Variants in NEGR1 observed in about 807,000 individuals in gnomAD.
NEGR1 encodes neuronal growth regulator 1, also known as IgLON family member 4.
Under a neutral mutation model 40.9 loss-of-function variants are expected in NEGR1, and 10 were observed. The ratio of observed to expected loss-of-function variants is 0.24; its 90% CI spans 0.15 to 0.42. The LOEUF is 0.42. Ranked by LOEUF, NEGR1 falls within the 10% of genes least tolerant of loss-of-function variation. The pLI is 1.00. For synonymous variants in NEGR1, 185 were observed against 166.8 expected (o/e 1.11, Z -0.84); for missense variants, 352 against 438.9 (o/e 0.80, Z 1.77).
chr1:71,768,538 G>T (rs1413235452), intron 3 of NEGR1, among the ~76,000 whole-genome samples: 2 of 152,008 alleles, frequency 1.3e-5, no homozygotes, highest in African/African-American at 4.8e-5. Context: ...ACTTCTTTTT[G>T]ATTTTACAGG....
At chr1:71,410,005 C>T (rs1349747786) in intron 6 of NEGR1, among the ~76,000 whole-genome samples, 1 of 152,016 alleles carries the variant, frequency 6.6e-6, no homozygotes. Flanking sequence ...CTTAATTCTG[C>T]CTTCCCCAGT....
intron 1 of NEGR1, among the ~76,000 whole-genome samples, chr1:72,079,338 C>T (rs1647888694): frequency 6.6e-6 from 1 of 151,780 alleles, no homozygotes; most frequent in Non-Finnish European, 1.5e-5. Context: ...CAGAAAATCT[C>T]ACCTAATTAG....
rs1652432430 is a variant in NEGR1 at position 72,182,794 on chromosome 1, AT to A, written c.176+99524del. Among the ~76,000 whole-genome samples, 5 of 148,602 alleles carry A rather than the reference AT, an allele frequency of 3.4e-5. No homozygotes were observed. The South Asian group carries it at 1.1e-3, about 32-fold the overall frequency. On this transcript the variant is annotated intron_variant, in intron 1 of 6. Transcript: ENST00000357731. Reference sequence around the variant, plus strand: ...TGTGCGTGTGTATATATATATATATATATATGTTTGTATGTGTATATGTGTG... The same window carrying A: ...TGTGCGTGTGTATATATATATATATAATATGTTTGTATGTGTATATGTGTG...
At chr1:71,420,500 C>T (rs1050428403) in intron 6 of NEGR1, among the ~76,000 whole-genome samples, 1 of 151,744 alleles carries the variant, frequency 6.6e-6, no homozygotes, top group Non-Finnish European at 1.5e-5. Flanking sequence ...AGAAAAAAAA[C>T]ATTCTACACA....
intron 6 of NEGR1, among the ~76,000 whole-genome samples, chr1:71,433,030 G>T (rs1646479838): frequency 1.3e-5 from 2 of 152,198 alleles, no homozygotes; most frequent in African/African-American, 4.8e-5. Flanking sequence ...GAACCTTTTA[G>T]AATCTGCAAT....
intron 1 of NEGR1, among the ~76,000 whole-genome samples, chr1:72,236,634 A>T (rs183908179): frequency 6.6e-6 from 1 of 151,932 alleles, no homozygotes; most frequent in South Asian, 2.1e-4. Context: ...TCTTATTGTA[A>T]AGGTACTTTC....
intron 2 of NEGR1, among the ~76,000 whole-genome samples, chr1:71,923,166 G>T (rs919283360): frequency 6.6e-6 from 1 of 152,002 alleles, no homozygotes; most frequent in Admixed American, 6.6e-5. Context: ...AGATAGATAC[G>T]ATCCATATTT....
At chr1:71,613,044 GT>G (rs925751296) in intron 4 of NEGR1, among the ~76,000 whole-genome samples, 26 of 152,112 alleles carry the variant, frequency 1.7e-4, no homozygotes, top group African/African-American at 6.0e-4. Flanking sequence ...AAATCTGATT[GT>G]TTTTTTGAAA....
Position 71,836,057 on chromosome 1 carries a change from G to T in NEGR1, c.410-59760C>A, listed in dbSNP as rs145622827. Among the ~76,000 whole-genome samples, 5 of 152,088 alleles carry T rather than the reference G, an allele frequency of 3.3e-5. 1 individual carries two copies. In the South Asian group the frequency reaches 8.3e-4, roughly 25 times the overall value. ...AAGCTATTGCAGGGTGGCTGATCAG[G>T]CTCCCTCATTATCTCATACTGCCTC... On this transcript the variant is annotated intron_variant, in intron 2 of 6. Transcript: ENST00000357731.
chr1:71,987,017 C>G (rs1468275784), intron 1 of NEGR1, among the ~76,000 whole-genome samples: 1 of 152,140 alleles, frequency 6.6e-6, no homozygotes, highest in African/African-American at 2.4e-5. Flanking sequence ...AAATTTGGTA[C>G]TCTAAAAGCA....
chr1:71,711,122 G>C (rs1260292327), intron 3 of NEGR1, among the ~76,000 whole-genome samples: 1 of 151,606 alleles, frequency 6.6e-6, no homozygotes, highest in Non-Finnish European at 1.5e-5. Context: ...CAGATCACGA[G>C]GTCAGGAGAT....
intron 1 of NEGR1, among the ~76,000 whole-genome samples, chr1:72,276,054 G>A (rs72942940): frequency 0.043 from 6,519 of 152,098 alleles, 478 homozygotes; most frequent in African/African-American, 0.15. Flanking sequence ...CTATGATTGT[G>A]CCACTTCGCT....
intron 2 of NEGR1, among the ~76,000 whole-genome samples, chr1:71,867,645 C>T (rs1660157905): frequency 6.6e-6 from 1 of 151,952 alleles, no homozygotes; most frequent in African/African-American, 2.4e-5. Flanking sequence ...AGACTCCTGA[C>T]CAAAATCATA....
chr1:71,783,973 G>T (rs1236136203), intron 2 of NEGR1, among the ~76,000 whole-genome samples: 4 of 152,078 alleles, frequency 2.6e-5, no homozygotes, highest in African/African-American at 9.7e-5. Flanking sequence ...ACAATGCAGA[G>T]TCACTAATCC....
chr1:71,881,354 C>T (rs947237014), intron 2 of NEGR1, among the ~76,000 whole-genome samples: 1 of 151,998 alleles, frequency 6.6e-6, no homozygotes, highest in African/African-American at 2.4e-5. Context: ...TCCTTATGTA[C>T]CAGTAACATC....
intron 6 of NEGR1, chr1:71,421,403 G>C (rs986199642): frequency 6.6e-5 from 10 of 152,002 alleles, no homozygotes; most frequent in African/African-American, 1.9e-4. Context: ...ATTCAAGCTC[G>C]AGGTCAGGGC....
intron 5 of NEGR1, among the ~76,000 whole-genome samples, chr1:71,604,027 A>C (rs2101534947): frequency 6.6e-6 from 1 of 152,328 alleles, no homozygotes; most frequent in Middle Eastern, 3.4e-3. Context: ...CCTCATTAAA[A>C]ATAGAGAGAT....
At chr1:71,673,110 G>T (rs1404266447) in intron 4 of NEGR1, among the ~76,000 whole-genome samples, 1 of 151,902 alleles carries the variant, frequency 6.6e-6, no homozygotes, top group East Asian at 1.9e-4. Context: ...ATTTTGGCGG[G>T]CGCCTGTAGT....
At chr1:72,075,187 A>G (rs2100517058) in intron 1 of NEGR1, among the ~76,000 whole-genome samples, 1 of 152,256 alleles carries the variant, frequency 6.6e-6, no homozygotes, top group Middle Eastern at 3.4e-3. Flanking sequence ...CTTAGTAAAT[A>G]TTTATGTTTA....
Sources: allele counts gnomAD v4.1 joint callset (sites outside exome capture counted in the v4.1 genomes callset), GRCh38; gene constraint gnomAD v4.1.1; transcripts MANE v1.5; gene names NCBI Gene and HGNC (gene_info 2026-07-23, HGNC 2026-07-21).